The following LPIN2 variants were observed in gnomAD, a reference collection of about 807,000 sequenced individuals.
LPIN2 encodes the protein phosphatidate phosphatase LPIN2.
Under a neutral mutation model 111.4 loss-of-function variants are expected in LPIN2, and 55 were observed. That is an observed-to-expected ratio of 0.49 (90% CI 0.40 to 0.62). The LOEUF (loss-of-function observed/expected upper bound fraction) is 0.62. Among genes scored for constraint, LPIN2 ranks in the 20% least tolerant of loss-of-function variants. The pLI, the probability that LPIN2 is intolerant of heterozygous loss-of-function variation, is 0.00. For missense variants in LPIN2, 992 were observed against 1,112.1 expected (o/e 0.89, Z 1.54); for synonymous variants, 425 against 414.0 (o/e 1.03, Z -0.32).
intron 8 of LPIN2, 109 bp from the exon 9 acceptor site, chr18:2,931,552 G>T (rs2077214061): frequency 9.9e-7 from 1 of 1,010,004 alleles, no homozygotes; most frequent in Non-Finnish European, 1.5e-6. Flanking sequence ...CCGCTAAAAA[G>T]AACGGATGGA....
intron 7 of LPIN2, among the ~76,000 whole-genome samples, chr18:2,935,909 C>G (rs897081495): frequency 6.6e-6 from 1 of 152,178 alleles, no homozygotes; most frequent in Non-Finnish European, 1.5e-5. Flanking sequence ...GGGTTCCTGT[C>G]TCTAGTCAGA....
intron 15 of LPIN2, 142 bp downstream of exon 15, chr18:2,924,256 G>T: frequency 1.0e-6 from 1 of 959,164 alleles, no homozygotes; most frequent in Non-Finnish European, 1.7e-6. Flanking sequence ...GACTGTACTG[G>T]GGACGCCTCA....
intron 1 of LPIN2, among the ~76,000 whole-genome samples, chr18:2,986,686 C>T (rs911435134): frequency 3.9e-5 from 6 of 152,160 alleles, no homozygotes; most frequent in Non-Finnish European, 4.4e-5. Flanking sequence ...GACCAAACAA[C>T]CTCTGCGGTC....
rs2078232782 is a variant in LPIN2 at position 2,989,502 on chromosome 18, T to A, written c.-10+23585A>T. Among the ~76,000 whole-genome samples, 3 of 152,152 alleles carry A rather than the reference T, an allele frequency of 2.0e-5. No individual in the cohort carries two copies. The South Asian group carries it at 6.2e-4, about 32-fold the overall frequency. The stretch of plus-strand genomic sequence containing the variant: ...AAAGCGATCTTCAAATTCAAGGCAA[T>A]CCCTATCAAAATTCCAAAAGCCTCA... On this transcript the variant is annotated intron_variant, in intron 1 of 19. Transcript: ENST00000677752.
intron 8 of LPIN2, among the ~76,000 whole-genome samples, chr18:2,933,395 T>A (rs1598534307): frequency 6.6e-6 from 1 of 152,202 alleles, no homozygotes; most frequent in Non-Finnish European, 1.5e-5. Context: ...GGTAATTCTA[T>A]GACAGCTTAT....
intron 8 of LPIN2, among the ~76,000 whole-genome samples, chr18:2,933,934 C>T (rs2077248974): frequency 6.6e-6 from 1 of 152,198 alleles, no homozygotes; most frequent in Admixed American, 6.5e-5. Flanking sequence ...TCAGAAAAGG[C>T]TCAGGATCTC....
intron 1 of LPIN2, among the ~76,000 whole-genome samples, chr18:2,988,398 T>C (rs2078217798): frequency 6.6e-6 from 1 of 152,242 alleles, no homozygotes; most frequent in Non-Finnish European, 1.5e-5. Flanking sequence ...TTTTATTTAA[T>C]TGGTGAAATT....
At chr18:2,972,791 C>T (rs1203028901) in intron 1 of LPIN2, among the ~76,000 whole-genome samples, 3 of 152,192 alleles carry the variant, frequency 2.0e-5, no homozygotes, top group Non-Finnish European at 4.4e-5. Flanking sequence ...CCTGTTCCCA[C>T]ATTTCTCTTT....
chr18:2,944,778 A>AT (rs2077424212), intron 4 of LPIN2, among the ~76,000 whole-genome samples: 1 of 152,234 alleles, frequency 6.6e-6, no homozygotes, highest in Non-Finnish European at 1.5e-5. Context: ...ACAATTAGTC[A>AT]TAACACCATA....
rs2078627326 is a variant in LPIN2 at position 3,012,684 on chromosome 18, T to G, written c.-10+403A>C. On this transcript the variant is annotated intron_variant, in intron 1 of 19. Transcript: ENST00000677752. The stretch of plus-strand genomic sequence containing the variant: ...ATGGAGACGCGGCCTCCCGCGCGCC[T>G]TCCGCACTCCCCTCCGCGCCCCAAA... Among the ~76,000 whole-genome samples the G allele has an allele frequency of 2.0e-5, 3 of 152,054 alleles. No individual in the cohort carries two copies. In the South Asian group the frequency reaches 6.2e-4, roughly 32 times the overall value.
chr18:2,943,665 C>G (rs1286472579), intron 4 of LPIN2, among the ~76,000 whole-genome samples: 2 of 152,162 alleles, frequency 1.3e-5, no homozygotes. Context: ...GACTTCATGT[C>G]TCTAAATGGT....
At chr18:2,981,401 G>A (rs571506360) in intron 1 of LPIN2, among the ~76,000 whole-genome samples, 1 of 152,292 alleles carries the variant, frequency 6.6e-6, no homozygotes, top group Admixed American at 6.5e-5. Flanking sequence ...ATGTTCTAAC[G>A]GCAACATAAA....
intron 5 of LPIN2, among the ~76,000 whole-genome samples, chr18:2,940,342 A>AG (rs1159941905): frequency 6.6e-6 from 1 of 152,224 alleles, no homozygotes; most frequent in Admixed American, 6.5e-5. Flanking sequence ...AAAAAGAAAA[A>AG]GAAAAAAAAT....
chr18:2,942,822 C>T (rs902784298), intron 4 of LPIN2, among the ~76,000 whole-genome samples: 2 of 152,176 alleles, frequency 1.3e-5, no homozygotes, highest in Non-Finnish European at 2.9e-5. Context: ...CAAGGCAAAC[C>T]ATGACAGAGT....
chr18:2,927,688 A>G (rs753097741), intron 12 of LPIN2, 34 bp downstream of exon 12: 1 of 1,601,458 alleles, frequency 6.2e-7, no homozygotes, highest in South Asian at 1.1e-5. Flanking sequence ...CATTTCTTTC[A>G]GCCCACGGAA....
At chr18:2,935,187 TTA>T (rs1279812349) in intron 7 of LPIN2, among the ~76,000 whole-genome samples, 1 of 152,232 alleles carries the variant, frequency 6.6e-6, no homozygotes, top group Non-Finnish European at 1.5e-5. Context: ...CTTAATAATT[TTA>T]TATTGATTAC....
chr18:3,003,912 G>A (rs1177534255), intron 1 of LPIN2, among the ~76,000 whole-genome samples: 1 of 152,220 alleles, frequency 6.6e-6, no homozygotes, highest in South Asian at 2.1e-4. Context: ...GAGAGATATC[G>A]CTGAATTCTT....
intron 1 of LPIN2, among the ~76,000 whole-genome samples, chr18:3,012,499 G>C (rs1400953087): frequency 6.6e-6 from 1 of 152,194 alleles, no homozygotes; most frequent in Non-Finnish European, 1.5e-5. Context: ...GGGGGCTGGG[G>C]GGCTTTGAGA....
At chr18:2,990,588 C>T (rs2078250385) in intron 1 of LPIN2, 1 of 160,420 alleles carries the variant, frequency 6.2e-6, no homozygotes. Context: ...AATGAGATAC[C>T]AATTCATACC....
Sources: allele counts gnomAD v4.1 joint callset (sites outside exome capture counted in the v4.1 genomes callset), GRCh38; gene constraint gnomAD v4.1.1; transcripts MANE v1.5; gene names NCBI Gene and HGNC (gene_info 2026-07-23, HGNC 2026-07-21).